SEC24A: variants seen among roughly 807,000 people sequenced by gnomAD.
SEC24A encodes SEC24 homolog A, COPII component.
In SEC24A, 93 loss-of-function variants were observed where a neutral mutation model predicts 129.4. That is an observed-to-expected ratio of 0.72 (90% confidence interval 0.61 to 0.85). The LOEUF (loss-of-function observed/expected upper bound fraction) is 0.85. SEC24A is among the 40% of genes least tolerant of loss of function. SEC24A has a pLI of 0.00. For missense variants in SEC24A, 1,264 were observed against 1,307.4 expected, an observed-to-expected ratio of 0.97 and a Z score of 0.51; for synonymous variants, 460 against 467.3, an observed-to-expected ratio of 0.98 and a Z score of 0.20.
rs765899188 is a variant in SEC24A, at chr5:134,723,649, T to C, written c.3146T>C (p.Phe1049Ser). ...TGGCTTAGAGAGCAGAGACCATTTT[T>C]CCCAATACTTTATGTAATAAGGTAA... is the stretch of plus-strand genomic sequence containing the variant. ...ISWLREQRPFFPILYVIRDES... is the reference protein window; with the variant it reads ...ISWLREQRPFSPILYVIRDES... The change falls in exon 22 of 23, where the codon TTC becomes TCC. Residue 1049 changes from phenylalanine (F) to serine (S), a missense_variant. Physicochemically the swap from Phe to Ser is radical, Grantham distance 155. Transcript: ENST00000398844. 5.0e-6 allele frequency: 8 copies of C among 1,604,412 alleles called. No homozygotes were observed. The highest frequency in any genetic ancestry group is 1.1e-5 in the South Asian group (1 of 90,782).
Position 134,704,314 on chromosome 5 carries a change from C to T in SEC24A, c.2440+382C>T, listed in dbSNP as rs574658060. Among the ~76,000 whole-genome samples, 18 of 152,152 alleles carry T rather than the reference C, an allele frequency of 1.2e-4. 1 individual carries two copies. The highest frequency in any genetic ancestry group is 5.9e-4 in the Admixed American group (9 of 15,252). On this transcript the variant is annotated intron_variant, in intron 16 of 22. Transcript: ENST00000398844. ...GAATCTCTTGACCTCGTGATCTGCCCGCCTCTGCCTCCCAACGTGCTGGGA... is the reference window on the plus strand; with the variant it reads ...GAATCTCTTGACCTCGTGATCTGCCTGCCTCTGCCTCCCAACGTGCTGGGA...
At chr5:134,711,230 A>C (rs1249347264) in intron 18 of SEC24A, among the ~76,000 whole-genome samples, 1 of 152,158 alleles carries the variant, frequency 6.6e-6, no homozygotes, top group Non-Finnish European at 1.5e-5. Context: ...TGAGAGGCCA[A>C]GGTAGAAGGA....
chr5:134,695,022 A>C (rs893057205), intron 13 of SEC24A, among the ~76,000 whole-genome samples: 3 of 151,930 alleles, frequency 2.0e-5, no homozygotes, highest in Non-Finnish European at 4.4e-5. Flanking sequence ...TGTTTATTAC[A>C]CTTGGGAACT....
intron 7 of SEC24A, among the ~76,000 whole-genome samples, chr5:134,676,736 TC>T (rs1264459870): frequency 3.9e-5 from 6 of 152,166 alleles, no homozygotes; most frequent in Non-Finnish European, 8.8e-5. Context: ...ACACCCGGCC[TC>T]TTTAGTGAAG....
At position 134,674,654 on chromosome 5, in the gene SEC24A, G is replaced by C. The variant is rs753302522; in HGVS notation, c.857G>C (p.Arg286Pro). The change falls in exon 5 of 23, where the codon CGA becomes CCA. Residue 286 changes from arginine to proline, a missense_variant. By Grantham distance (103) the Arg-to-Pro change is moderately radical (BLOSUM62 -2). Coordinates refer to ENST00000398844, the MANE Select transcript of SEC24A (RefSeq NM_021982.3). ...QLTNKNPKMS[R>P]SVGYSYPSLP... is the part of the protein sequence containing the mutation. Reference sequence around the variant, plus strand: ...ACTAACAAGAATCCCAAAATGAGCCGAAGTGTTGGATATTCATATCCCTCC... The same window carrying C: ...ACTAACAAGAATCCCAAAATGAGCCCAAGTGTTGGATATTCATATCCCTCC... 4 of 1,613,554 alleles carry C rather than the reference G, an allele frequency of 2.5e-6. No individual in the cohort carries two copies. The highest frequency in any genetic ancestry group is 3.4e-6 in the Non-Finnish European group (4 of 1,179,684).
At chr5:134,662,890 C>CG (rs1043832826) in intron 2 of SEC24A, among the ~76,000 whole-genome samples, 2 of 151,960 alleles carry the variant, frequency 1.3e-5, no homozygotes, top group Admixed American at 6.6e-5. Context: ...CCCAGCTACT[C>CG]GGGGGGCTGA....
At chr5:134,702,998 C>T (rs1413174097) in intron 15 of SEC24A, among the ~76,000 whole-genome samples, 2 of 152,032 alleles carry the variant, frequency 1.3e-5, no homozygotes, top group Non-Finnish European at 2.9e-5. Flanking sequence ...CTCCTGACCT[C>T]AAGTGATCTG....
intron 1 of SEC24A, among the ~76,000 whole-genome samples, chr5:134,651,899 G>A (rs556967559): frequency 3.3e-5 from 5 of 151,706 alleles, no homozygotes; most frequent in African/African-American, 1.2e-4. Flanking sequence ...CTATTCCAAA[G>A]CAGTAGTTGA....
chr5:134,652,758 G>A (rs1750105238), intron 1 of SEC24A, among the ~76,000 whole-genome samples: 1 of 151,922 alleles, frequency 6.6e-6, no homozygotes, highest in African/African-American at 2.4e-5. Flanking sequence ...CACCATGCCT[G>A]GCTGATTTTG....
chr5:134,697,455 C>T lies in SEC24A; in HGVS notation c.2107+209C>T, dbSNP rs550371449. On this transcript the variant is annotated intron_variant, in intron 14 of 22. Transcript: ENST00000398844. Reference sequence around the variant, plus strand: ...TTCTATTCTACTATTTAAAGGAATGCAGGCCGGGTATGATGGCTCATGCCT... The same window carrying T: ...TTCTATTCTACTATTTAAAGGAATGTAGGCCGGGTATGATGGCTCATGCCT... 7.9e-5 allele frequency among the ~76,000 whole-genome samples: 12 copies of T among 152,226 alleles called. No homozygotes were observed. In the East Asian group the frequency reaches 1.9e-3, roughly 24 times the overall value.
chr5:134,695,744 A>C (rs1751801759), intron 13 of SEC24A, among the ~76,000 whole-genome samples: 1 of 151,878 alleles, frequency 6.6e-6, no homozygotes. Flanking sequence ...GTGCCACTGC[A>C]CTCCAGCCTG....
chr5:134,692,321 A>G (rs1022952629), intron 11 of SEC24A, among the ~76,000 whole-genome samples: 4 of 152,170 alleles, frequency 2.6e-5, no homozygotes, highest in Non-Finnish European at 5.9e-5. Flanking sequence ...TGCTGGGATT[A>G]CAGGCGTGTA....
intron 16 of SEC24A, among the ~76,000 whole-genome samples, chr5:134,705,088 A>ATTTTTT: frequency 7.7e-6 from 1 of 129,302 alleles, no homozygotes; most frequent in East Asian, 2.4e-4. Context: ...ATATATATAT[A>ATTTTTT]TATTTTTTTT....
Position 134,666,867 on chromosome 5 carries a change from T to G in SEC24A, c.610T>G (p.Phe204Val). 2 of 1,613,996 alleles carry G rather than the reference T, an allele frequency of 1.2e-6. No individual in the cohort carries two copies. Among genetic ancestry groups the G allele is most frequent in the Non-Finnish European group, 1.7e-6 (2 of 1,179,998 alleles). ...AGTGAATCCACCTCTGCCTACAACT[T>G]TTCAACCAGGAGCTCCTCATGGGCC... The part of the protein sequence containing the change: ...PLVNPPLPTT[F>V]QPGAPHGPPP... The change falls in exon 3 of 23, where the codon TTT becomes GTT. Residue 204 changes from phenylalanine to valine, a missense_variant. Transcript: ENST00000398844.
chr5:134,676,000 A>T, intron 6 of SEC24A, 23 bp from the exon 7 acceptor site: 2 of 1,518,336 alleles, frequency 1.3e-6, no homozygotes, highest in Non-Finnish European at 1.8e-6. Context: ...AGCAACTGAT[A>T]CATACTTTTT....
chr5:134,654,314 C>T (rs536774696), intron 1 of SEC24A, among the ~76,000 whole-genome samples: 15 of 151,256 alleles, frequency 9.9e-5, no homozygotes, highest in Admixed American at 2.0e-4. Flanking sequence ...CTCTGCCTCC[C>T]GGGTTCAAGT....
intron 2 of SEC24A, 24 bp from the exon 3 acceptor site, chr5:134,666,792 AGTGACGT>A: frequency 6.2e-7 from 1 of 1,606,392 alleles, no homozygotes; most frequent in Non-Finnish European, 8.5e-7. Flanking sequence ...TGAGTTCTCA[AGTGACGT>A]GTGAAAAACC....
chr5:134,720,604 C>G (rs1752602223), intron 20 of SEC24A, among the ~76,000 whole-genome samples: 1 of 151,988 alleles, frequency 6.6e-6, no homozygotes, highest in Non-Finnish European at 1.5e-5. Context: ...CCTTTTTGAC[C>G]TTTTAAAATA....
chr5:134,699,696 CTTTTTTTTTTTTT>C (rs746836417), intron 15 of SEC24A, among the ~76,000 whole-genome samples: 1 of 112,720 alleles, frequency 8.9e-6, no homozygotes, highest in African/African-American at 3.6e-5. Flanking sequence ...TTTGTACTCT[CTTTTTTTTTTTTT>C]TTTTTTTTGA....
Sources: gnomAD v4.1 joint callset for allele counts (sites outside exome capture counted in the v4.1 genomes callset) on GRCh38, gnomAD v4.1.1 for gene constraint, MANE v1.5 for transcripts, NCBI Gene and HGNC (gene_info 2026-07-23, HGNC 2026-07-21) for gene names.